The following MMP16 variants were observed in gnomAD, a reference collection of about 807,000 sequenced individuals.
The protein encoded by MMP16 is matrix metallopeptidase 16.
MMP16 carries 12 observed loss-of-function variants against 67.8 expected under a neutral mutation model. The ratio of observed to expected loss-of-function variants is 0.18; its 90% CI spans 0.11 to 0.29. The LOEUF (loss-of-function observed/expected upper bound fraction) is 0.29. Ranked by LOEUF, MMP16 falls within the 10% of genes least tolerant of loss-of-function variation. The probability of loss-of-function intolerance (pLI) is 1.00; values close to 1 mark genes in which losing one functional copy is unlikely to be tolerated. For synonymous variants in MMP16, 249 were observed against 255.9 expected, an observed-to-expected ratio of 0.97 and a Z score of 0.26; for missense variants, 475 against 765.7, an observed-to-expected ratio of 0.62 and a Z score of 4.48.
intron 5 of MMP16, among the ~76,000 whole-genome samples, chr8:88,117,978 T>C (rs1809465067): frequency 6.6e-6 from 1 of 152,084 alleles, no homozygotes; most frequent in Non-Finnish European, 1.5e-5. Flanking sequence ...AATAAATGTC[T>C]TTATAAAGGT....
intron 6 of MMP16, among the ~76,000 whole-genome samples, chr8:88,077,654 T>C (rs1304387680): frequency 6.6e-6 from 1 of 152,184 alleles, no homozygotes; most frequent in Non-Finnish European, 1.5e-5. Flanking sequence ...GCACAATAAA[T>C]TTCTTTAAAG....
chr8:88,246,266 T>C (rs16880230), intron 1 of MMP16, among the ~76,000 whole-genome samples: 6,580 of 152,266 alleles, frequency 0.043, 464 homozygotes, highest in African/African-American at 0.15. Flanking sequence ...TGTCAAGTTA[T>C]AGACCAAGTA....
Position 88,035,202 on chromosome 8 carries a change from C to A in MMP16, c.*6259G>T, listed in dbSNP as rs1808038401. 1 of 151,824 alleles carries A rather than the reference C, an allele frequency of 6.6e-6. No homozygotes were observed. Among genetic ancestry groups the A allele is most frequent in the Non-Finnish European group, 1.5e-5 (1 of 67,870 alleles). 9.4% of individuals were successfully genotyped at this position (151,824 alleles called of 1,614,324 possible). On this transcript the variant is annotated 3_prime_UTR_variant, in exon 10 of 10. Transcript: ENST00000286614. The surrounding 1 kb of genome is among the most constrained non-coding windows in gnomAD (Gnocchi z 4.7). ...CTTGCTCTGAAGCTAAGTGACCTAA[C>A]ATAAGTATATTTCCGTATTTATATT...
intron 1 of MMP16, among the ~76,000 whole-genome samples, chr8:88,323,972 C>G (rs546526189): frequency 2.9e-4 from 44 of 152,242 alleles, no homozygotes; most frequent in Admixed American, 7.8e-4. Flanking sequence ...TTAATATTAG[C>G]AATGTTCCCT....
intron 1 of MMP16, among the ~76,000 whole-genome samples, chr8:88,222,418 A>G (rs1809697845): frequency 6.6e-6 from 1 of 152,188 alleles, no homozygotes; most frequent in Non-Finnish European, 1.5e-5. Context: ...ACAAAGCTGG[A>G]GGCATCACGC....
At chr8:88,206,617 A>T (rs1213649201) in intron 1 of MMP16, among the ~76,000 whole-genome samples, 1 of 152,168 alleles carries the variant, frequency 6.6e-6, no homozygotes. Context: ...GAATAATTGG[A>T]TACATAATTA....
chr8:88,104,130 G>A (rs28906372), intron 6 of MMP16, among the ~76,000 whole-genome samples: 67,424 of 151,354 alleles, frequency 0.45, 15,342 homozygotes, highest in African/African-American at 0.54. Flanking sequence ...TTATATCACT[G>A]TATTTTGAGC....
chr8:88,121,328 A>C (rs1320462830), intron 4 of MMP16, among the ~76,000 whole-genome samples: 1 of 152,012 alleles, frequency 6.6e-6, no homozygotes, highest in Non-Finnish European at 1.5e-5. Context: ...ACTCTACAGC[A>C]CTTTTAATCA....
chr8:88,304,595 C>T (rs1811184380), intron 1 of MMP16, among the ~76,000 whole-genome samples: 1 of 152,188 alleles, frequency 6.6e-6, no homozygotes, highest in African/African-American at 2.4e-5. Context: ...TAACAGCAGG[C>T]CTCTTAGTGG....
At chr8:88,261,046 A>G (rs1810380806) in intron 1 of MMP16, among the ~76,000 whole-genome samples, 1 of 152,176 alleles carries the variant, frequency 6.6e-6, no homozygotes, top group Non-Finnish European at 1.5e-5. Context: ...TGCCAAAAGC[A>G]AGGGAATACA....
chr8:88,217,868 G>T (rs892556027), intron 1 of MMP16, among the ~76,000 whole-genome samples: 1 of 151,962 alleles, frequency 6.6e-6, no homozygotes, highest in Admixed American at 6.6e-5. Flanking sequence ...TAGATGCTTG[G>T]AGACACATCT....
At chr8:88,118,891 G>C (rs773220176) in intron 4 of MMP16, 30 bp from the exon 5 acceptor site, 17 of 1,598,672 alleles carry the variant, frequency 1.1e-5, no homozygotes, top group Non-Finnish European at 1.5e-5. Context: ...ATAAGTTTTT[G>C]TAACTAATAT....
intron 1 of MMP16, among the ~76,000 whole-genome samples, chr8:88,242,961 C>T (rs1810055761): frequency 6.6e-6 from 1 of 152,078 alleles, no homozygotes; most frequent in Admixed American, 6.5e-5. Context: ...ACTAGATAGG[C>T]ATTTATTTGG....
chr8:88,176,613 C>T (rs1259323204), intron 3 of MMP16, among the ~76,000 whole-genome samples: 1 of 152,176 alleles, frequency 6.6e-6, no homozygotes, highest in Non-Finnish European at 1.5e-5. Flanking sequence ...TATGAACTCA[C>T]TCTCATTGTT....
chr8:88,139,610 CTCT>C (rs1200408580), intron 4 of MMP16, among the ~76,000 whole-genome samples: 2 of 152,008 alleles, frequency 1.3e-5, no homozygotes, highest in African/African-American at 4.8e-5. Flanking sequence ...TTTTTTTACC[CTCT>C]TCTTTATTTT....
chr8:88,044,246 C>A (rs1309773085), intron 9 of MMP16, among the ~76,000 whole-genome samples: 1 of 152,192 alleles, frequency 6.6e-6, no homozygotes, highest in Non-Finnish European at 1.5e-5. Flanking sequence ...AGGAGTTCAA[C>A]ACCAGGCTGG....
At chr8:88,096,119 T>C (rs1289784363) in intron 6 of MMP16, among the ~76,000 whole-genome samples, 1 of 151,968 alleles carries the variant, frequency 6.6e-6, no homozygotes, top group African/African-American at 2.4e-5. Flanking sequence ...CGTTGTTTAT[T>C]GATTTTGGTA....
At chr8:88,186,654 AC>A in intron 2 of MMP16, 56 bp from the exon 3 acceptor site, 1 of 1,544,608 alleles carries the variant, frequency 6.5e-7, no homozygotes, top group Admixed American at 2.1e-5. Context: ...TTTACTAACA[AC>A]CCTAATCATT....
chr8:88,100,682 GT>G (rs1297528290), intron 6 of MMP16, among the ~76,000 whole-genome samples: 2 of 151,972 alleles, frequency 1.3e-5, no homozygotes, highest in Non-Finnish European at 2.9e-5. Flanking sequence ...GCACATGTAT[GT>G]TTATTGTGGC....
Sources: gnomAD v4.1 joint callset for allele counts (sites outside exome capture counted in the v4.1 genomes callset) on GRCh38, gnomAD v4.1.1 for gene constraint, Gnocchi (gnomAD v3.1) non-coding constraint, MANE v1.5 for transcripts, NCBI Gene and HGNC (gene_info 2026-07-23, HGNC 2026-07-21) for gene names.